KCNJ16: variants seen among roughly 807,000 people sequenced by gnomAD.
The protein encoded by KCNJ16 is inward rectifier potassium channel 16.
KCNJ16 carries 15 observed loss-of-function variants against 18.5 expected under a neutral mutation model. The observed-to-expected ratio is 0.81, with a 90% confidence interval of 0.54 to 1.25. The LOEUF (loss-of-function observed/expected upper bound fraction) is 1.25, where lower values mean the gene tolerates loss of function less well. KCNJ16 is among the 50% of genes most tolerant of loss of function. The pLI is 0.00. For synonymous variants in KCNJ16, 174 were observed against 186.5 expected, an observed-to-expected ratio of 0.93 and a Z score of 0.55; for missense variants, 523 against 525.7, an observed-to-expected ratio of 0.99 and a Z score of 0.05.
At chr17:70,119,465 G>A (rs1484291014) in intron 2 of KCNJ16, among the ~76,000 whole-genome samples, 5 of 152,176 alleles carry the variant, frequency 3.3e-5, no homozygotes, top group Non-Finnish European at 7.4e-5. Context: ...GCTTCTGTCT[G>A]GGCACCCAAG....
chr17:70,095,914 GCT>G (rs2143774606), intron 1 of KCNJ16, among the ~76,000 whole-genome samples: 1 of 91,830 alleles, frequency 1.1e-5, no homozygotes, highest in Admixed American at 1.9e-4. Context: ...ATGGAGTCTT[GCT>G]CTGTCACCCA....
rs71149819 is a variant in KCNJ16 at position 70,103,106 on chromosome 17, TTA to T, written c.-191+2352_-191+2353del. 4.0e-3 allele frequency among the ~76,000 whole-genome samples: 580 copies of T among 144,512 alleles called. 2 individuals carry two copies. Among genetic ancestry groups the T allele is most frequent in the African/African-American group, 7.3e-3 (289 of 39,502 alleles). The allele number at this position is 144,512 out of a possible 152,430, so 94.8% of individuals were successfully genotyped here. The stretch of plus-strand genomic sequence containing the variant: ...TGCACCATCATCCAGCTTATGTATA[TTA>T]TATATATATATTTAATATATATATT... On this transcript the variant is annotated intron_variant, in intron 2 of 3. Coordinates refer to ENST00000392671, the MANE Select transcript of KCNJ16 (RefSeq NM_170741.4).
At chr17:70,122,787 T>G (rs756511773) in intron 2 of KCNJ16, among the ~76,000 whole-genome samples, 1 of 152,188 alleles carries the variant, frequency 6.6e-6, no homozygotes, top group Non-Finnish European at 1.5e-5. Context: ...TTCCCTTAAA[T>G]AACAGGAGTC....
At chr17:70,110,793 C>A (rs541103582) in intron 2 of KCNJ16, among the ~76,000 whole-genome samples, 1 of 152,276 alleles carries the variant, frequency 6.6e-6, no homozygotes, top group South Asian at 2.1e-4. Flanking sequence ...TGGAAACATT[C>A]TTCTGCATGA....
At chr17:70,086,139 T>C (rs143376154) in intron 1 of KCNJ16, among the ~76,000 whole-genome samples, 315 of 152,278 alleles carry the variant, frequency 2.1e-3, no homozygotes, top group African/African-American at 7.2e-3. Context: ...ATATAAATAT[T>C]ATACAAATAT....
intron 1 of KCNJ16, among the ~76,000 whole-genome samples, chr17:70,092,539 TATA>T (rs373926020): frequency 0.01 from 1,089 of 105,974 alleles, 19 homozygotes; most frequent in Middle Eastern, 0.024. Flanking sequence ...GACAGATAGA[TATA>T]GATAGATATA....
chr17:70,086,221 T>G (rs1382898621), intron 1 of KCNJ16, among the ~76,000 whole-genome samples: 2 of 152,230 alleles, frequency 1.3e-5, no homozygotes, highest in South Asian at 2.1e-4. Context: ...AGTGAAGCAA[T>G]CTTAACTTTT....
Position 70,108,510 on chromosome 17 carries a change from A to G in KCNJ16, c.-191+7744A>G, listed in dbSNP as rs2073035313. 7 of 152,218 alleles carry G rather than the reference A, an allele frequency of 4.6e-5. No homozygotes were observed. In the South Asian group the frequency reaches 1.5e-3, roughly 32 times the overall value. The allele number at this position is 152,218 out of a possible 1,614,324, so 9.4% of individuals were successfully genotyped here. ...TTTTGCATGTTGATATCTATAAATG[A>G]CCACATCAACATATCTGCTTTAAAG... On this transcript the variant is annotated intron_variant, in intron 2 of 3. Transcript: ENST00000392671.
intron 1 of KCNJ16, among the ~76,000 whole-genome samples, chr17:70,076,498 G>A (rs2071316674): frequency 6.6e-6 from 1 of 152,156 alleles, no homozygotes; most frequent in African/African-American, 2.4e-5. Context: ...ACTTAGAGAT[G>A]TAATCCTGCT....
intron 2 of KCNJ16, among the ~76,000 whole-genome samples, chr17:70,127,892 A>C (rs2073909249): frequency 6.6e-6 from 1 of 152,212 alleles, no homozygotes; most frequent in South Asian, 2.1e-4. Context: ...TTCTGAAGAA[A>C]TTTTAGACCT....
Position 70,132,150 on chromosome 17 carries a change from G to C in KCNJ16, c.63G>C (p.Pro21=), listed in dbSNP as rs182752948. ...INADAKYPGY[P]PEHIIAEKRR... is the part of the protein sequence containing the mutation. ...CGGACGCAAAATACCCAGGCTACCCGCCAGAGCACATTATAGCTGAGAAGA... is the reference window on the plus strand; with the variant it reads ...CGGACGCAAAATACCCAGGCTACCCCCCAGAGCACATTATAGCTGAGAAGA... Residue 21 remains proline, a synonymous_variant, in exon 4 of 4, where the codon CCG becomes CCC. Coordinates refer to ENST00000392671, the MANE Select transcript of KCNJ16 (RefSeq NM_170741.4). The C allele has an allele frequency of 6.2e-7, 1 of 1,614,148 alleles. No individual in the cohort carries two copies. Among genetic ancestry groups the C allele is most frequent in the East Asian group, 2.2e-5 (1 of 44,886 alleles).
At chr17:70,089,477 A>G (rs1462716451) in intron 1 of KCNJ16, among the ~76,000 whole-genome samples, 8 of 152,192 alleles carry the variant, frequency 5.3e-5, no homozygotes, top group Non-Finnish European at 1.2e-4. Context: ...ACCCAAAACC[A>G]TTTAAAATTT....
At chr17:70,082,769 A>G (rs1255927094) in intron 1 of KCNJ16, among the ~76,000 whole-genome samples, 1 of 152,156 alleles carries the variant, frequency 6.6e-6, no homozygotes, top group Non-Finnish European at 1.5e-5. Context: ...TGGTAGTAGA[A>G]ATTCACCTAC....
At chr17:70,126,679 C>T (rs1240842738) in intron 2 of KCNJ16, among the ~76,000 whole-genome samples, 2 of 152,152 alleles carry the variant, frequency 1.3e-5, no homozygotes, top group Admixed American at 1.3e-4. Context: ...TACCGAAAAC[C>T]ATTTTATTTT....
intron 1 of KCNJ16, among the ~76,000 whole-genome samples, chr17:70,078,330 T>C (rs749638022): frequency 2.1e-5 from 3 of 144,262 alleles, no homozygotes; most frequent in Non-Finnish European, 3.0e-5. Context: ...CAGTCCCAAA[T>C]TAGATTTATC....
intron 2 of KCNJ16, among the ~76,000 whole-genome samples, chr17:70,106,612 G>C (rs2072940328): frequency 1.3e-5 from 2 of 152,196 alleles, no homozygotes; most frequent in African/African-American, 4.8e-5. Context: ...ATGGGATACA[G>C]TTGCAATATC....
chr17:70,101,998 T>A (rs1391858684), intron 2 of KCNJ16: 2 of 152,136 alleles, frequency 1.3e-5, no homozygotes, highest in East Asian at 3.8e-4. Flanking sequence ...TGAAGTATTT[T>A]ACATGATGTG....
intron 2 of KCNJ16, among the ~76,000 whole-genome samples, chr17:70,108,787 A>T (rs2073053438): frequency 6.6e-6 from 1 of 151,874 alleles, no homozygotes; most frequent in Admixed American, 6.6e-5. Flanking sequence ...AACCCCATTC[A>T]CCTTCCTCCC....
chr17:70,091,861 G>A (rs115684650), intron 1 of KCNJ16, among the ~76,000 whole-genome samples: 2,263 of 152,180 alleles, frequency 0.015, 55 homozygotes, highest in African/African-American at 0.052. Flanking sequence ...GGGGAGTGTG[G>A]AGTTCATCAG....
Sources: allele counts gnomAD v4.1 joint callset (sites outside exome capture counted in the v4.1 genomes callset), GRCh38; gene constraint gnomAD v4.1.1; transcripts MANE v1.5; gene names NCBI Gene and HGNC (gene_info 2026-07-23, HGNC 2026-07-21).